ARHGEF10L: variants seen among roughly 807,000 people sequenced by gnomAD.
ARHGEF10L encodes the protein Rho guanine nucleotide exchange factor 10 like.
ARHGEF10L carries 69 observed loss-of-function variants against 141.2 expected under a neutral mutation model. That is an observed-to-expected ratio of 0.49 (90% CI 0.40 to 0.60). ARHGEF10L has a LOEUF of 0.60. Ranked by LOEUF, ARHGEF10L falls within the 20% of genes least tolerant of loss-of-function variation. The pLI is 0.00. For synonymous variants in ARHGEF10L, 711 were observed against 718.5 expected (o/e 0.99, Z 0.17); for missense variants, 1,482 against 1,734.3 (o/e 0.85, Z 2.58).
At chr1:17,674,685 G>A (rs144598176) in intron 26 of ARHGEF10L, among the ~76,000 whole-genome samples, 1 of 152,346 alleles carries the variant, frequency 6.6e-6, no homozygotes, top group Non-Finnish European at 1.5e-5. Flanking sequence ...GTCACGTGCT[G>A]CATAGTGACT....
Position 17,692,393 on chromosome 1 carries a change from C to T in ARHGEF10L, c.3185-2765C>T, listed in dbSNP as rs377622532. 1.8e-4 allele frequency among the ~76,000 whole-genome samples: 28 copies of T among 152,276 alleles called. No homozygotes were observed. The East Asian group carries it at 2.5e-3, about 14-fold the overall frequency. On this transcript the variant is annotated intron_variant, in intron 27 of 28. Transcript: ENST00000361221. ...TGTGTCTAATTTGTGTCTCAGACCA[C>T]ACATCCAACCAGGAGCTCTGGGCTT...
chr1:17,551,229 T>C (rs1022481350), intron 1 of ARHGEF10L, among the ~76,000 whole-genome samples: 1 of 152,158 alleles, frequency 6.6e-6, no homozygotes, highest in African/African-American at 2.4e-5. Context: ...TACTGAATGC[T>C]GTGCACTGGG....
At chr1:17,674,944 A>G (rs943641671) in intron 26 of ARHGEF10L, among the ~76,000 whole-genome samples, 24 of 152,160 alleles carry the variant, frequency 1.6e-4, no homozygotes, top group Non-Finnish European at 8.8e-5. Flanking sequence ...CTATGATCAC[A>G]TGACAAAATT....
rs373776341 is a variant in ARHGEF10L at position 17,668,331 on chromosome 1, C to T, written c.3009+3736C>T. Among the ~76,000 whole-genome samples the T allele has an allele frequency of 1.1e-4, 17 of 152,332 alleles. No homozygotes were observed. In the South Asian group the frequency reaches 1.5e-3, roughly 13 times the overall value. On this transcript the variant is annotated intron_variant, in intron 26 of 28. Coordinates refer to ENST00000361221, the MANE Select transcript of ARHGEF10L (RefSeq NM_018125.4). Reference sequence around the variant, plus strand: ...CACTGGAAGACAGCCTTCCTCCTGCCGACAGCTGTCCAGGAGCATGGGACG... The same window carrying T: ...CACTGGAAGACAGCCTTCCTCCTGCTGACAGCTGTCCAGGAGCATGGGACG...
rs1284094361 is a variant in ARHGEF10L, at chr1:17,558,887, G to A, written c.-44+18937G>A. Among the ~76,000 whole-genome samples, 3 of 152,296 alleles carry A rather than the reference G, an allele frequency of 2.0e-5. No individual in the cohort carries two copies. The highest frequency in any genetic ancestry group is 2.0e-4 in the Admixed American group (3 of 15,296). ...CTGGGCTGGGCAGGGAGAATGGTGG[G>A]GAGGGCTGAGGGGCCCTTCCCCAGC... On this transcript the variant is annotated intron_variant, in intron 1 of 28. Transcript: ENST00000361221. The surrounding 1 kb of genome is among the most constrained non-coding windows in gnomAD (Gnocchi z 4.2).
intron 26 of ARHGEF10L, among the ~76,000 whole-genome samples, chr1:17,685,193 C>A (rs902576615): frequency 2.6e-4 from 39 of 152,200 alleles, no homozygotes; most frequent in Non-Finnish European, 1.5e-4. Context: ...AGCCAGCCTT[C>A]CCCACACTGT....
Position 17,556,276 on chromosome 1 carries a change from G to C in ARHGEF10L, c.-44+16326G>C, listed in dbSNP as rs1247945843. 2.1e-4 allele frequency among the ~76,000 whole-genome samples: 24 copies of C among 116,206 alleles called. 1 individual carries two copies. The highest frequency in any genetic ancestry group is 6.1e-4 in the African/African-American group (19 of 31,166). The allele number at this position is 116,206 out of a possible 152,430, so 76.2% of individuals were successfully genotyped here. ...GTGGGCCTGGGAGCATGGCGGCGGG[G>C]GGGGGGCCTGGGAGCACAGGGCGGG... On this transcript the variant is annotated intron_variant, in intron 1 of 28. Coordinates refer to ENST00000361221, the MANE Select transcript of ARHGEF10L (RefSeq NM_018125.4).
At chr1:17,655,854 G>A (rs2062209595) in intron 23 of ARHGEF10L, 25 bp from the exon 24 acceptor site, 6 of 1,545,962 alleles carry the variant, frequency 3.9e-6, no homozygotes, top group Non-Finnish European at 4.4e-6. Context: ...CCCACCTGAT[G>A]GCCTCTCTGG....
Position 17,627,026 on chromosome 1 carries a change from G to A in ARHGEF10L, c.1411-304G>A, listed in dbSNP as rs1229905101. Among the ~76,000 whole-genome samples the A allele has an allele frequency of 6.6e-6, 1 of 152,250 alleles. No individual in the cohort carries two copies. The highest frequency in any genetic ancestry group is 1.5e-5 in the Non-Finnish European group (1 of 68,048). Reference sequence around the variant, plus strand: ...CGTTAGTCTGTCGACGGACATTTTTGCCTCCACATTTTGGCGACTGTGGCT... The same window carrying A: ...CGTTAGTCTGTCGACGGACATTTTTACCTCCACATTTTGGCGACTGTGGCT... On this transcript the variant is annotated intron_variant, in intron 14 of 28. Coordinates refer to ENST00000361221, the MANE Select transcript of ARHGEF10L (RefSeq NM_018125.4). This position sits in a 1 kb window ranked among gnomAD's most constrained non-coding sequence, Gnocchi z 4.0.
upstream of ARHGEF10L, among the ~76,000 whole-genome samples, chr1:17,539,102 A>C (rs2076626894): frequency 6.6e-6 from 1 of 152,230 alleles, no homozygotes; most frequent in Non-Finnish European, 1.5e-5. This position sits in a 1 kb window ranked among gnomAD's most constrained non-coding sequence, Gnocchi z 6.0. Context: ...CTCCTAGGGA[A>C]AATGGGGCTA....
chr1:17,634,681 A>T, intron 17 of ARHGEF10L, 119 bp downstream of exon 17: 4 of 1,481,668 alleles, frequency 2.7e-6, no homozygotes, highest in Non-Finnish European at 3.6e-6. Context: ...CTGGCGAGGG[A>T]TCCCTGCTCT....
intron 16 of ARHGEF10L, chr1:17,634,344 G>A (rs745490706): frequency 3.2e-5 from 24 of 750,846 alleles, no homozygotes; most frequent in Middle Eastern, 4.9e-4. Flanking sequence ...GCTTCCTAGC[G>A]GGGCTGTTGT....
At chr1:17,688,726 A>C (rs2064827334) in intron 27 of ARHGEF10L, among the ~76,000 whole-genome samples, 1 of 152,104 alleles carries the variant, frequency 6.6e-6, no homozygotes, top group Admixed American at 6.5e-5. Flanking sequence ...AGCAGGGTTG[A>C]GCATCCTGTC....
At chr1:17,666,807 C>T (rs1466880467) in intron 26 of ARHGEF10L, among the ~76,000 whole-genome samples, 1 of 145,302 alleles carries the variant, frequency 6.9e-6, no homozygotes, top group Non-Finnish European at 1.5e-5. Flanking sequence ...CCCACCCCAC[C>T]CCCTCCCTTC....
intron 10 of ARHGEF10L, among the ~76,000 whole-genome samples, chr1:17,620,395 G>C (rs2060043562): frequency 1.3e-5 from 2 of 152,212 alleles, no homozygotes. Flanking sequence ...GTAGGATGGT[G>C]GGTAGAGACC....
intron 26 of ARHGEF10L, among the ~76,000 whole-genome samples, chr1:17,676,579 G>A (rs1433889011): frequency 1.3e-5 from 2 of 152,098 alleles, no homozygotes; most frequent in Admixed American, 1.3e-4. Flanking sequence ...CACAGCCAGT[G>A]CCTGGGGACG....
chr1:17,591,340 T>C (rs376072332), intron 4 of ARHGEF10L, among the ~76,000 whole-genome samples: 59 of 152,100 alleles, frequency 3.9e-4, no homozygotes, highest in African/African-American at 1.4e-3. Flanking sequence ...CCTTCCAGGC[T>C]TGAGCGATTC....
In ARHGEF10L at chr1:17,603,346, G is replaced by C. The variant is rs1035013684; in HGVS notation, c.350-162G>C. Among the ~76,000 whole-genome samples the C allele has an allele frequency of 2.0e-5, 3 of 151,854 alleles. No individual in the cohort carries two copies. Among genetic ancestry groups the C allele is most frequent in the African/African-American group, 7.3e-5 (3 of 41,358 alleles). On this transcript the variant is annotated intron_variant, in intron 5 of 28. Coordinates refer to ENST00000361221, the MANE Select transcript of ARHGEF10L (RefSeq NM_018125.4). This position sits in a 1 kb window ranked among gnomAD's most constrained non-coding sequence, Gnocchi z 4.8. ...GGGGCGGGGAGAAGCGAGGGAGCCG[G>C]CATCCCCTGAGGGCAGCTGGCGGAG... is the stretch of plus-strand genomic sequence containing the variant.
intron 11 of ARHGEF10L, among the ~76,000 whole-genome samples, chr1:17,622,644 G>T (rs2060165459): frequency 6.6e-6 from 1 of 152,182 alleles, no homozygotes; most frequent in Non-Finnish European, 1.5e-5. Flanking sequence ...GACGCGGGGT[G>T]TGGGAGCCAA....
Sources: allele counts gnomAD v4.1 joint callset (sites outside exome capture counted in the v4.1 genomes callset), GRCh38; gene constraint gnomAD v4.1.1; non-coding constraint Gnocchi (gnomAD v3.1); transcripts MANE v1.5; gene names NCBI Gene and HGNC (gene_info 2026-07-23, HGNC 2026-07-21).